The following KCNIP4 variants were observed in gnomAD, a reference collection of about 807,000 sequenced individuals.
KCNIP4 encodes Kv channel-interacting protein 4.
KCNIP4 carries 12 observed loss-of-function variants against 34.0 expected under a neutral mutation model. The ratio of observed to expected loss-of-function variants is 0.35; its 90% CI spans 0.23 to 0.57. The LOEUF (loss-of-function observed/expected upper bound fraction) is 0.57. Among genes scored for constraint, KCNIP4 ranks in the 20% least tolerant of loss-of-function variants. KCNIP4 has a pLI of 0.83. For missense variants in KCNIP4, 238 were observed against 311.7 expected (o/e 0.76, Z 1.78); for synonymous variants, 124 against 102.2 (o/e 1.21, Z -1.29).
At chr4:21,150,162 G>A (rs1288231202) in intron 1 of KCNIP4, among the ~76,000 whole-genome samples, 1 of 152,174 alleles carries the variant, frequency 6.6e-6, no homozygotes, top group African/African-American at 2.4e-5. Context: ...TTTTCACAGG[G>A]CAGTGTGCAG....
intron 1 of KCNIP4, among the ~76,000 whole-genome samples, chr4:20,971,519 ATACTG>A (rs1734951347): frequency 6.6e-6 from 1 of 152,204 alleles, no homozygotes; most frequent in South Asian, 2.1e-4. Context: ...TGTTTACACA[ATACTG>A]TAGTCTATTA....
At chr4:20,770,474 C>CAAAA (rs11371014) in intron 3 of KCNIP4, among the ~76,000 whole-genome samples, 1,824 of 146,144 alleles carry the variant, frequency 0.012, 19 homozygotes, top group Non-Finnish European at 0.018. Context: ...TAATATTGAC[C>CAAAA]AAAAAAAAAA....
At chr4:21,487,537 A>C (rs1732022867) in intron 1 of KCNIP4, among the ~76,000 whole-genome samples, 1 of 152,120 alleles carries the variant, frequency 6.6e-6, no homozygotes. Context: ...CTGTGGAAGG[A>C]AGTCCCTATG....
intron 3 of KCNIP4, among the ~76,000 whole-genome samples, chr4:20,820,585 G>A (rs954547990): frequency 2.0e-5 from 3 of 152,208 alleles, no homozygotes; most frequent in African/African-American, 7.2e-5. Context: ...GTGATCAAGT[G>A]ATATTTGATA....
chr4:21,790,030 T>C (rs1720173465), intron 1 of KCNIP4, among the ~76,000 whole-genome samples: 1 of 152,182 alleles, frequency 6.6e-6, no homozygotes, highest in South Asian at 2.1e-4. Flanking sequence ...GTTATGAAAC[T>C]GCCATGAAAA....
At chr4:21,009,195 G>C (rs1055662591) in intron 1 of KCNIP4, among the ~76,000 whole-genome samples, 3 of 152,076 alleles carry the variant, frequency 2.0e-5, no homozygotes, top group Non-Finnish European at 4.4e-5. Flanking sequence ...ATAACACTAA[G>C]CGTGAGGAGT....
At chr4:21,314,344 T>C (rs553439403) in intron 1 of KCNIP4, among the ~76,000 whole-genome samples, 1 of 152,294 alleles carries the variant, frequency 6.6e-6, no homozygotes, top group East Asian at 1.9e-4. Context: ...TTTTCACCCA[T>C]ATAGGGTACC....
At chr4:21,188,744 C>T (rs2109341768) in intron 1 of KCNIP4, among the ~76,000 whole-genome samples, 1 of 152,280 alleles carries the variant, frequency 6.6e-6, no homozygotes, top group African/African-American at 2.4e-5. Context: ...CCGAAGGAAA[C>T]TTCATAGCAT....
intron 1 of KCNIP4, among the ~76,000 whole-genome samples, chr4:21,130,154 C>T (rs915905598): frequency 5.9e-5 from 9 of 151,974 alleles, no homozygotes; most frequent in Admixed American, 1.3e-4. Flanking sequence ...CTAAGCCATA[C>T]TGAATGTCTT....
chr4:20,803,004 G>A (rs770891406), intron 3 of KCNIP4, among the ~76,000 whole-genome samples: 6 of 150,998 alleles, frequency 4.0e-5, no homozygotes, highest in Non-Finnish European at 8.8e-5. Flanking sequence ...GAATCTGGGA[G>A]GCGTAGCATG....
At chr4:21,311,178 T>G (rs1256581601) in intron 1 of KCNIP4, among the ~76,000 whole-genome samples, 2 of 152,178 alleles carry the variant, frequency 1.3e-5, no homozygotes, top group South Asian at 2.1e-4. Flanking sequence ...CATCAAGTAC[T>G]GTTCTAATTG....
intron 1 of KCNIP4, among the ~76,000 whole-genome samples, chr4:21,553,039 A>T (rs1738704286): frequency 6.6e-6 from 1 of 151,646 alleles, no homozygotes. Context: ...GTGGGGGTTG[A>T]GGGGGGAGTC....
chr4:21,748,095 T>C (rs1441846977), intron 1 of KCNIP4, among the ~76,000 whole-genome samples: 1 of 152,152 alleles, frequency 6.6e-6, no homozygotes, highest in Non-Finnish European at 1.5e-5. Flanking sequence ...AGAGCATAAA[T>C]TTCTGTTGTT....
chr4:21,145,577 A>G (rs369959987), intron 1 of KCNIP4, among the ~76,000 whole-genome samples: 5 of 152,296 alleles, frequency 3.3e-5, no homozygotes, highest in South Asian at 2.1e-4. Flanking sequence ...GAGTCCTCCA[A>G]TATTTCCTGG....
intron 1 of KCNIP4, among the ~76,000 whole-genome samples, chr4:21,080,919 GA>G (rs1434988038): frequency 6.6e-6 from 1 of 151,768 alleles, no homozygotes; most frequent in African/African-American, 2.4e-5. Context: ...ATAAAAACCC[GA>G]AGAGTAGCAT....
At chr4:21,031,075 T>G (rs1292770542) in intron 1 of KCNIP4, among the ~76,000 whole-genome samples, 1 of 152,190 alleles carries the variant, frequency 6.6e-6, no homozygotes, top group African/African-American at 2.4e-5. Flanking sequence ...TCAGGTTCCA[T>G]CTTCCATCTG....
intron 1 of KCNIP4, among the ~76,000 whole-genome samples, chr4:21,071,933 G>A (rs1185935350): frequency 6.6e-6 from 1 of 152,040 alleles, no homozygotes; most frequent in Non-Finnish European, 1.5e-5. Context: ...GAGAATGATG[G>A]TTTACAGCTT....
chr4:21,210,605 T>C (rs1055699373), intron 1 of KCNIP4, among the ~76,000 whole-genome samples: 2 of 152,148 alleles, frequency 1.3e-5, no homozygotes, highest in Non-Finnish European at 1.5e-5. Flanking sequence ...ACAAAAAAAA[T>C]CAATTTGATC....
intron 1 of KCNIP4, among the ~76,000 whole-genome samples, chr4:20,892,350 T>C (rs905374153): frequency 7.9e-5 from 12 of 152,186 alleles, no homozygotes; most frequent in African/African-American, 2.9e-4. Context: ...ATAAAATTAA[T>C]GCTACTCTCT....
Sources: allele counts gnomAD v4.1 joint callset (sites outside exome capture counted in the v4.1 genomes callset), GRCh38; gene constraint gnomAD v4.1.1; transcripts MANE v1.5; gene names NCBI Gene and HGNC (gene_info 2026-07-23, HGNC 2026-07-21).